Variants in DPP6 observed in about 807,000 individuals in gnomAD.
The protein encoded by DPP6 is dipeptidyl peptidase like 6.
A neutral mutation model predicts 122.6 loss-of-function variants in DPP6; 69 were observed. The observed-to-expected ratio is 0.56, with a 90% CI of 0.46 to 0.69. The LOEUF (loss-of-function observed/expected upper bound fraction) is 0.69. Among genes scored for constraint, DPP6 ranks in the 30% least tolerant of loss-of-function variants. The probability of loss-of-function intolerance (pLI) is 0.00; values close to 1 mark genes in which losing one functional copy is unlikely to be tolerated. For synonymous variants in DPP6, 418 were observed against 433.1 expected, an observed-to-expected ratio of 0.97 and a Z score of 0.43; for missense variants, 928 against 1,116.9, an observed-to-expected ratio of 0.83 and a Z score of 2.41.
At chr7:154,514,509 T>C (rs1040546666) in intron 3 of DPP6, among the ~76,000 whole-genome samples, 1 of 152,070 alleles carries the variant, frequency 6.6e-6, no homozygotes, top group African/African-American at 2.4e-5. Flanking sequence ...CCTTCCTACT[T>C]TCCAAACTGA....
intron 4 of DPP6, among the ~76,000 whole-genome samples, chr7:154,557,072 G>A (rs974190334): frequency 6.6e-6 from 1 of 152,294 alleles, no homozygotes. Flanking sequence ...GAGAAAGCCA[G>A]CTTCAAAAAA....
intron 1 of DPP6, among the ~76,000 whole-genome samples, chr7:154,338,865 C>T (rs541832682): frequency 2.0e-5 from 3 of 152,262 alleles, no homozygotes; most frequent in African/African-American, 7.2e-5. Flanking sequence ...GTTGGAACCC[C>T]CCTGCATGGC....
intron 1 of DPP6, among the ~76,000 whole-genome samples, chr7:154,243,685 C>T (rs1402999356): frequency 1.3e-5 from 2 of 151,950 alleles, no homozygotes; most frequent in Non-Finnish European, 2.9e-5. Context: ...GTCCCAGCTA[C>T]TCAGGAGGCT....
intron 10 of DPP6, among the ~76,000 whole-genome samples, chr7:154,786,294 A>G (rs1192362499): frequency 1.3e-5 from 2 of 152,200 alleles, no homozygotes; most frequent in Non-Finnish European, 2.9e-5. Context: ...TAGAGGGTAT[A>G]GCTCCATTGT....
chr7:154,584,462 G>A (rs1832298189), intron 5 of DPP6, among the ~76,000 whole-genome samples: 1 of 152,246 alleles, frequency 6.6e-6, no homozygotes, highest in Admixed American at 6.5e-5. Flanking sequence ...GCTTAAAGGT[G>A]GCTTGGGACA....
chr7:154,628,652 T>C (rs1835228715), intron 5 of DPP6, among the ~76,000 whole-genome samples: 1 of 148,232 alleles, frequency 6.7e-6, no homozygotes, highest in African/African-American at 2.6e-5. Flanking sequence ...AGCTCGTTTA[T>C]TTTAACTATC....
At chr7:154,852,395 G>T (rs6971718) in intron 16 of DPP6, among the ~76,000 whole-genome samples, 2 of 151,778 alleles carry the variant, frequency 1.3e-5, no homozygotes, top group African/African-American at 4.8e-5. Flanking sequence ...CTGTCTCCCT[G>T]GGACCACCCA....
At chr7:154,015,276 C>G (rs181668100) in intron 1 of DPP6, among the ~76,000 whole-genome samples, 2 of 152,062 alleles carry the variant, frequency 1.3e-5, no homozygotes, top group Admixed American at 6.5e-5. Flanking sequence ...TCCATGTCCT[C>G]GACCGGTTCT....
intron 1 of DPP6, among the ~76,000 whole-genome samples, chr7:153,988,447 A>C (rs1355907677): frequency 6.6e-6 from 1 of 152,178 alleles, no homozygotes; most frequent in African/African-American, 2.4e-5. Context: ...GCAAAGGGCA[A>C]AGAGATGGAC....
intron 1 of DPP6, among the ~76,000 whole-genome samples, chr7:154,180,445 T>A (rs534864228): frequency 4.0e-4 from 58 of 144,412 alleles, no homozygotes; most frequent in African/African-American, 1.3e-3. Flanking sequence ...ATATACACAT[T>A]TATATATTAT....
intron 1 of DPP6, among the ~76,000 whole-genome samples, chr7:153,933,630 C>T (rs1045786240): frequency 2.0e-5 from 3 of 152,132 alleles, no homozygotes; most frequent in Admixed American, 2.0e-4. Context: ...TCTCTACCAC[C>T]CCATCCTTTA....
chr7:153,889,423 T>C (rs1386608072), intron 1 of DPP6, among the ~76,000 whole-genome samples: 1 of 152,172 alleles, frequency 6.6e-6, no homozygotes, highest in Non-Finnish European at 1.5e-5. Flanking sequence ...GGGAAACCTG[T>C]ATATTTAGGG....
At chr7:154,776,512 A>T (rs968617371) in intron 10 of DPP6, among the ~76,000 whole-genome samples, 3 of 151,934 alleles carry the variant, frequency 2.0e-5, no homozygotes, top group Non-Finnish European at 4.4e-5. Flanking sequence ...ATACTTTTTT[A>T]AATTGTTTCA....
the DPP6 span, among the ~76,000 whole-genome samples, chr7:153,794,377 TTGAC>T: frequency 6.6e-6 from 1 of 152,164 alleles, no homozygotes; most frequent in African/African-American, 2.4e-5. Flanking sequence ...GCCCTAAAAT[TTGAC>T]TGCCCTGCTG....
chr7:154,560,603 G>T (rs571838867), intron 4 of DPP6, among the ~76,000 whole-genome samples: 24 of 152,270 alleles, frequency 1.6e-4, no homozygotes, highest in Non-Finnish European at 2.4e-4. Flanking sequence ...GAATTTTAAA[G>T]CTGGGCATGG....
the DPP6 span, among the ~76,000 whole-genome samples, chr7:153,878,472 C>T: frequency 2.0e-5 from 3 of 152,018 alleles, no homozygotes; most frequent in Non-Finnish European, 4.4e-5. Context: ...AAGCTGACTA[C>T]AGCTACATAC....
At chr7:154,049,095 A>G (rs1800164335), upstream of DPP6, among the ~76,000 whole-genome samples, 1 of 151,340 alleles carries the variant, frequency 6.6e-6, no homozygotes, top group Admixed American at 6.6e-5. Context: ...TCGACATTAA[A>G]TAATTTGCAA....
intron 2 of DPP6, among the ~76,000 whole-genome samples, chr7:154,468,987 C>T (rs1822024477): frequency 6.6e-6 from 1 of 152,136 alleles, no homozygotes; most frequent in African/African-American, 2.4e-5. Flanking sequence ...AGCAAAGGCA[C>T]AGATTTTTAA....
At chr7:154,279,733 T>C (rs1804382086) in intron 1 of DPP6, among the ~76,000 whole-genome samples, 1 of 152,260 alleles carries the variant, frequency 6.6e-6, no homozygotes, top group South Asian at 2.1e-4. Flanking sequence ...TACTGTGGAT[T>C]GAATGCGTTG....
Sources: allele counts gnomAD v4.1 joint callset (sites outside exome capture counted in the v4.1 genomes callset), GRCh38; gene constraint gnomAD v4.1.1; transcripts MANE v1.5; gene names NCBI Gene and HGNC (gene_info 2026-07-23, HGNC 2026-07-21).